Variants in LIPI observed in about 807,000 individuals in gnomAD.
The protein encoded by LIPI is lipase member I.
LIPI carries 59 observed loss-of-function variants against 50.6 expected under a neutral mutation model. The observed-to-expected ratio is 1.16, with a 90% confidence interval of 0.94 to 1.45. The LOEUF is 1.45. Ranked by LOEUF, LIPI falls within the 40% of genes most tolerant of loss-of-function variation. LIPI has a pLI of 0.00. For synonymous variants in LIPI, 203 were observed against 178.2 expected (o/e 1.14, Z -1.11); for missense variants, 586 against 536.3 (o/e 1.09, Z -0.92).
At chr21:14,207,473 C>T (rs1241601642) in intron 1 of LIPI, among the ~76,000 whole-genome samples, 2 of 152,008 alleles carry the variant, frequency 1.3e-5, no homozygotes, top group Non-Finnish European at 1.5e-5. Flanking sequence ...TAGTCAGCAA[C>T]TCATTTATGC....
At chr21:14,134,212 T>C (rs1392476711) in intron 9 of LIPI, among the ~76,000 whole-genome samples, 4 of 152,124 alleles carry the variant, frequency 2.6e-5, no homozygotes, top group East Asian at 1.9e-4. Flanking sequence ...GCCTGGATGA[T>C]AGAATGAGAT....
chr21:14,129,267 C>G (rs1465375391), intron 9 of LIPI, among the ~76,000 whole-genome samples: 2 of 151,736 alleles, frequency 1.3e-5, no homozygotes, highest in Non-Finnish European at 2.9e-5. Flanking sequence ...TATATTATAC[C>G]ACTAAAAATA....
chr21:14,169,905 A>G (rs1212902833), intron 4 of LIPI, among the ~76,000 whole-genome samples: 9 of 152,172 alleles, frequency 5.9e-5, no homozygotes, highest in Middle Eastern at 3.2e-3. Flanking sequence ...AAACCCTTCA[A>G]AAAATTAATG....
chr21:14,118,180 T>C (rs991593421), intron 9 of LIPI, among the ~76,000 whole-genome samples: 2 of 152,012 alleles, frequency 1.3e-5, no homozygotes, highest in African/African-American at 4.8e-5. Flanking sequence ...GTGGATCTAA[T>C]TGGGCTGGCA....
intron 9 of LIPI, among the ~76,000 whole-genome samples, chr21:14,133,749 C>T (rs1348268445): frequency 6.6e-6 from 1 of 152,114 alleles, no homozygotes; most frequent in Non-Finnish European, 1.5e-5. Flanking sequence ...ACCAAAAAAA[C>T]TCTTAAATTT....
At chr21:14,184,091 G>A (rs1336559616) in intron 3 of LIPI, among the ~76,000 whole-genome samples, 4 of 152,094 alleles carry the variant, frequency 2.6e-5, no homozygotes, top group Non-Finnish European at 4.4e-5. Flanking sequence ...GTCCAACAAC[G>A]ATAGACCGGA....
chr21:14,183,108 T>A (rs894848694), intron 3 of LIPI, among the ~76,000 whole-genome samples: 2 of 152,200 alleles, frequency 1.3e-5, no homozygotes, highest in Non-Finnish European at 2.9e-5. Context: ...AACAGCATGG[T>A]ACTGGTACCA....
chr21:14,151,949 C>T (rs1234991013), intron 8 of LIPI, among the ~76,000 whole-genome samples: 1 of 151,934 alleles, frequency 6.6e-6, no homozygotes, highest in African/African-American at 2.4e-5. Context: ...AGTCACATCA[C>T]TGTGAACATG....
At chr21:14,148,904 G>A (rs1464269899) in intron 8 of LIPI, among the ~76,000 whole-genome samples, 1 of 152,180 alleles carries the variant, frequency 6.6e-6, no homozygotes, top group Non-Finnish European at 1.5e-5. Context: ...ACTAATCCAA[G>A]TAGCTGAATA....
At chr21:14,148,867 T>G (rs1157504826) in intron 8 of LIPI, among the ~76,000 whole-genome samples, 1 of 152,236 alleles carries the variant, frequency 6.6e-6, no homozygotes, top group East Asian at 1.9e-4. Context: ...GTTCCTGTAT[T>G]TTATATTCCT....
At chr21:14,206,797 G>A in intron 1 of LIPI, 1 of 1,398,292 alleles carries the variant, frequency 7.2e-7, no homozygotes, top group Non-Finnish European at 1.0e-6. Context: ...TGAAGAAAGT[G>A]AAGTTAAAAG....
chr21:14,191,916 A>G (rs1477711071), intron 1 of LIPI, among the ~76,000 whole-genome samples: 2 of 152,302 alleles, frequency 1.3e-5, no homozygotes, highest in East Asian at 1.9e-4. Context: ...AAGTCCTCCA[A>G]TGTGCTAGGT....
At chr21:14,142,796 T>C (rs1010917143) in intron 9 of LIPI, among the ~76,000 whole-genome samples, 19 of 151,906 alleles carry the variant, frequency 1.3e-4, no homozygotes, top group African/African-American at 3.6e-4. Context: ...TTTGTATACT[T>C]ATAATTTAGA....
At position 14,144,793 on chromosome 21, in the gene LIPI, G is replaced by A; in HGVS notation, c.1125C>T (p.Asn375=). 1 of 1,563,182 alleles carries A rather than the reference G, an allele frequency of 6.4e-7. No individual in the cohort carries two copies. Among genetic ancestry groups the A allele is most frequent in the Non-Finnish European group, 8.8e-7 (1 of 1,135,612 alleles). ...MIEEPRLYEK[N]KPFYKLQEVK... ...CTTCTTGAAGTTTATAAAATGGTTT[G>A]TTCTTTCTAGAGAGAAAATTTGATA... The change falls in exon 9 of 10, where the codon AAC becomes AAT. Residue 375 remains asparagine, a synonymous_variant. Coordinates refer to ENST00000681601, the MANE Select transcript of LIPI (RefSeq NM_001302998.2).
intron 1 of LIPI, among the ~76,000 whole-genome samples, chr21:14,208,332 G>A (rs865897024): frequency 3.9e-5 from 6 of 152,024 alleles, no homozygotes; most frequent in Admixed American, 2.6e-4. Context: ...ATAAGAATTC[G>A]CATTTTTATC....
chr21:14,154,428 A>G (rs1042932083), intron 7 of LIPI, among the ~76,000 whole-genome samples: 2 of 152,066 alleles, frequency 1.3e-5, no homozygotes, highest in Non-Finnish European at 2.9e-5. Context: ...AAAAGCTACT[A>G]CTAGGATATA....
intron 1 of LIPI, chr21:14,206,873 A>G: frequency 6.2e-7 from 1 of 1,612,862 alleles, no homozygotes; most frequent in Non-Finnish European, 8.5e-7. Flanking sequence ...ACTGAAAAGC[A>G]TGAGCACTAT....
chr21:14,188,109 C>T (rs564451368), intron 2 of LIPI, among the ~76,000 whole-genome samples: 2 of 152,150 alleles, frequency 1.3e-5, no homozygotes, highest in African/African-American at 4.8e-5. Context: ...CAAGTACCCA[C>T]AACTACCTAC....
At chr21:14,124,155 T>C (rs1290126762) in intron 9 of LIPI, among the ~76,000 whole-genome samples, 5 of 152,142 alleles carry the variant, frequency 3.3e-5, no homozygotes, top group Admixed American at 2.6e-4. Flanking sequence ...CAGTCTACTA[T>C]TGAAGCAATA....
Sources: gnomAD v4.1 joint callset for allele counts (sites outside exome capture counted in the v4.1 genomes callset) on GRCh38, gnomAD v4.1.1 for gene constraint, MANE v1.5 for transcripts, NCBI Gene and HGNC (gene_info 2026-07-23, HGNC 2026-07-21) for gene names.